GPR180: variants seen among roughly 807,000 people sequenced by gnomAD.
The protein encoded by GPR180 is integral membrane protein GPR180.
GPR180 carries 53 observed loss-of-function variants against 52.6 expected under a neutral mutation model. That is an observed-to-expected ratio of 1.01 (90% CI 0.81 to 1.27). GPR180 has a LOEUF of 1.27. Ranked by LOEUF, GPR180 falls within the 50% of genes most tolerant of loss-of-function variation. The pLI, the probability that GPR180 is intolerant of heterozygous loss-of-function variation, is 0.00. For missense variants in GPR180, 533 were observed against 527.0 expected (o/e 1.01, Z -0.11); for synonymous variants, 200 against 193.1 (o/e 1.04, Z -0.30).
At chr13:94,606,169 G>C (rs1046901947) in intron 2 of GPR180, among the ~76,000 whole-genome samples, 1 of 152,146 alleles carries the variant, frequency 6.6e-6, no homozygotes, top group Non-Finnish European at 1.5e-5. Context: ...GATGGCATGC[G>C]CCTGTAATCC....
chr13:94,610,203 A>T (rs1221676698), intron 2 of GPR180, among the ~76,000 whole-genome samples: 2 of 152,218 alleles, frequency 1.3e-5, no homozygotes, highest in Non-Finnish European at 2.9e-5. Context: ...TTTAACTATC[A>T]TACACCTAAG....
At chr13:94,622,789 G>T (rs979372020) in intron 6 of GPR180, among the ~76,000 whole-genome samples, 1 of 152,266 alleles carries the variant, frequency 6.6e-6, no homozygotes, top group Admixed American at 6.5e-5. Context: ...TGGCCAGGCT[G>T]GTCTCGAACT....
chr13:94,626,118 G>T, intron 8 of GPR180, 75 bp downstream of exon 8: 2 of 926,284 alleles, frequency 2.2e-6, no homozygotes, highest in South Asian at 3.4e-5. Context: ...TTAAATAGGA[G>T]GGACCTATTT....
At chr13:94,602,551 C>T (rs1889574073) in intron 1 of GPR180, among the ~76,000 whole-genome samples, 1 of 148,112 alleles carries the variant, frequency 6.8e-6, no homozygotes, top group South Asian at 2.1e-4. Flanking sequence ...TTTTGGAAAC[C>T]AAGTAAAACA....
In GPR180 at chr13:94,629,903, A is replaced by G. The variant is rs1365165657; in HGVS notation, c.*2732A>G. On this transcript the variant is annotated 3_prime_UTR_variant, in exon 9 of 9. Transcript: ENST00000376958. ...AAAATAATGAGACTAGAACCTATCT[A>G]TCAACATGAACATGGGCTCCTTCAG... The G allele has an allele frequency of 1.3e-5, 2 of 152,212 alleles. No individual in the cohort carries two copies. The highest frequency in any genetic ancestry group is 3.8e-4 in the East Asian group (2 of 5,196). 9.4% of individuals were successfully genotyped at this position (152,212 alleles called of 1,614,324 possible). A position where few individuals can be genotyped will look rare whatever the true frequency, so the allele number is the denominator to read the frequency against.
Position 94,628,227 on chromosome 13 carries a change from T to C in GPR180, c.*1056T>C, listed in dbSNP as rs182223647. On this transcript the variant is annotated 3_prime_UTR_variant, in exon 9 of 9. Transcript: ENST00000376958. ...TGAATCCTTTGTAATAAAGCCATACTTTTGTGTGTGTGTGTGATGCCCCAG... is the reference window on the plus strand; with the variant it reads ...TGAATCCTTTGTAATAAAGCCATACCTTTGTGTGTGTGTGTGATGCCCCAG... 6.6e-3 allele frequency: 1,014 copies of C among 152,506 alleles called. 6 individuals carry two copies. The highest frequency in any genetic ancestry group is 0.012 in the Non-Finnish European group (800 of 67,866). 9.4% of individuals were successfully genotyped at this position (152,506 alleles called of 1,614,324 possible). A position where few individuals can be genotyped will look rare whatever the true frequency, so the allele number is the denominator to read the frequency against.
intron 6 of GPR180, 140 bp from the exon 7 acceptor site, chr13:94,622,969 A>T: frequency 1.6e-6 from 1 of 619,490 alleles, no homozygotes; most frequent in South Asian, 2.1e-5. Context: ...AAAAGACTGT[A>T]CTTTATTAAT....
chr13:94,609,647 A>G (rs1288916062), intron 2 of GPR180, among the ~76,000 whole-genome samples: 3 of 152,144 alleles, frequency 2.0e-5, no homozygotes, highest in African/African-American at 7.2e-5. Flanking sequence ...AAACAGTCTT[A>G]TTTGTGAATC....
At position 94,614,210 on chromosome 13, in the gene GPR180, A is replaced by G. The variant is rs1229294935; in HGVS notation, c.505+1820A>G. 2.0e-5 allele frequency among the ~76,000 whole-genome samples: 3 copies of G among 152,026 alleles called. No homozygotes were observed. In the East Asian group the frequency reaches 5.8e-4, roughly 29 times the overall value. ...CTGTAAGACTTCATTATTTCATATG[A>G]CCCTTATTTTTAGGACTGGTCAAGG... is the stretch of plus-strand genomic sequence containing the variant. On this transcript the variant is annotated intron_variant, in intron 3 of 8. Coordinates refer to ENST00000376958, the MANE Select transcript of GPR180 (RefSeq NM_180989.6).
chr13:94,618,211 T>G (rs1242498366), intron 3 of GPR180, among the ~76,000 whole-genome samples: 1 of 152,198 alleles, frequency 6.6e-6, no homozygotes, highest in Non-Finnish European at 1.5e-5. Flanking sequence ...TTGATTCGTC[T>G]GGCCTGTCCC....
chr13:94,605,394 A>G lies in GPR180; in HGVS notation c.149A>G (p.Asp50Gly), dbSNP rs1423078852. Reference sequence around the variant, plus strand: ...TGATTTTTGTTTTAATGTCAAGGTGACCATGCTCTTCTGTGTGTCAGAATC... The same window carrying G: ...TGATTTTTGTTTTAATGTCAAGGTGGCCATGCTCTTCTGTGTGTCAGAATC... ...QRIGHFEFHGDHALLCVRINN... is the reference protein window; with the variant it reads ...QRIGHFEFHGGHALLCVRINN... Residue 50 changes from aspartate to glycine, a missense_variant, in exon 2 of 9, where the codon GAC becomes GGC. Asp to Gly is a moderately conservative substitution (Grantham distance 94). Transcript: ENST00000376958. 4 of 1,613,960 alleles carry G rather than the reference A, an allele frequency of 2.5e-6. No homozygotes were observed. The highest frequency in any genetic ancestry group is 3.4e-6 in the Non-Finnish European group (4 of 1,179,968).
chr13:94,630,399 GA>G lies in GPR180; in HGVS notation c.*3229del, dbSNP rs1889980309. Reference sequence around the variant, plus strand: ...TAAAAATGGAAATCATCTGGATGATGAGCATACAGAAATTCTTTGTGCTAAT... The same window carrying G: ...TAAAAATGGAAATCATCTGGATGATGGCATACAGAAATTCTTTGTGCTAAT... On this transcript the variant is annotated 3_prime_UTR_variant, in exon 9 of 9. Coordinates refer to ENST00000376958, the MANE Select transcript of GPR180 (RefSeq NM_180989.6). 1 of 152,196 alleles carries G rather than the reference GA, an allele frequency of 6.6e-6. No individual in the cohort carries two copies. The highest frequency in any genetic ancestry group is 2.1e-4 in the South Asian group (1 of 4,830). 9.4% of individuals were successfully genotyped at this position (152,196 alleles called of 1,614,324 possible). A position where few individuals can be genotyped will look rare whatever the true frequency, so the allele number is the denominator to read the frequency against.
rs544842797 is a variant in GPR180 at position 94,609,817 on chromosome 13, G to A, written c.305-2373G>A. 2.0e-5 allele frequency among the ~76,000 whole-genome samples: 3 copies of A among 151,844 alleles called. No homozygotes were observed. In the East Asian group the frequency reaches 5.8e-4, roughly 29 times the overall value. On this transcript the variant is annotated intron_variant, in intron 2 of 8. Transcript: ENST00000376958. ...TATAGTAGCCAAAAAGCAATGCCATGGTGGTGGTAATCAGATCCTCTTGTT... is the reference window on the plus strand; with the variant it reads ...TATAGTAGCCAAAAAGCAATGCCATAGTGGTGGTAATCAGATCCTCTTGTT...
At chr13:94,621,023 C>A (rs562765466) in intron 5 of GPR180, 55 bp from the exon 6 acceptor site, 2 of 1,484,236 alleles carry the variant, frequency 1.3e-6, no homozygotes, top group Non-Finnish European at 1.8e-6. Context: ...GCAAAAAGCA[C>A]TAAATTTTTT....
intron 3 of GPR180, among the ~76,000 whole-genome samples, chr13:94,617,518 C>T (rs1205787625): frequency 6.6e-6 from 1 of 152,086 alleles, no homozygotes; most frequent in Non-Finnish European, 1.5e-5. Context: ...TCTAAACATG[C>T]TTTTTCACCT....
rs75365449 is a variant in GPR180 at position 94,610,158 on chromosome 13, A to G, written c.305-2032A>G. On this transcript the variant is annotated intron_variant, in intron 2 of 8. Transcript: ENST00000376958. ...ATCACAGTTTGCCCCACCATACCTAAGCATACATCTTCTAAGAGTAAAGAA... is the reference window on the plus strand; with the variant it reads ...ATCACAGTTTGCCCCACCATACCTAGGCATACATCTTCTAAGAGTAAAGAA... Among the ~76,000 whole-genome samples the G allele has an allele frequency of 2.4e-3, 371 of 152,318 alleles. 4 individuals carry two copies. Among genetic ancestry groups the G allele is most frequent in the African/African-American group, 8.8e-3 (367 of 41,570 alleles).
intron 2 of GPR180, among the ~76,000 whole-genome samples, chr13:94,611,158 C>CA (rs1889698491): frequency 6.6e-6 from 1 of 152,040 alleles, no homozygotes; most frequent in Non-Finnish European, 1.5e-5. Context: ...ATGCCACACA[C>CA]CCCCCACCCC....
At chr13:94,622,900 T>C (rs897405258) in intron 6 of GPR180, among the ~76,000 whole-genome samples, 12 of 152,188 alleles carry the variant, frequency 7.9e-5, no homozygotes, top group African/African-American at 2.9e-4. Flanking sequence ...AAAAATCTCT[T>C]AACTGTGGTC....
intron 3 of GPR180, among the ~76,000 whole-genome samples, chr13:94,617,488 T>G (rs1317380048): frequency 6.6e-6 from 1 of 152,210 alleles, no homozygotes; most frequent in African/African-American, 2.4e-5. Context: ...AAATATGTTC[T>G]TTCTTTTCCC....
Sources: gnomAD v4.1 joint callset for allele counts (sites outside exome capture counted in the v4.1 genomes callset) on GRCh38, gnomAD v4.1.1 for gene constraint, MANE v1.5 for transcripts, NCBI Gene and HGNC (gene_info 2026-07-23, HGNC 2026-07-21) for gene names.